Variants in DHTKD1 observed in about 807,000 individuals in gnomAD.
DHTKD1 encodes the protein 2-oxoadipate dehydrogenase complex component E1.
Under a neutral mutation model 101.8 loss-of-function variants are expected in DHTKD1, and 78 were observed. That is an observed-to-expected ratio of 0.77 (90% CI 0.64 to 0.93). The LOEUF is 0.93. Ranked by LOEUF, DHTKD1 falls within the 40% of genes least tolerant of loss-of-function variation. The pLI, the probability that DHTKD1 is intolerant of heterozygous loss-of-function variation, is 0.00. For synonymous variants in DHTKD1, 462 were observed against 450.3 expected, an observed-to-expected ratio of 1.03 and a Z score of -0.33; for missense variants, 1,223 against 1,161.7, an observed-to-expected ratio of 1.05 and a Z score of -0.77.
intron 6 of DHTKD1, among the ~76,000 whole-genome samples, chr10:12,092,036 C>G (rs950673588): frequency 1.3e-5 from 2 of 148,554 alleles, no homozygotes; most frequent in African/African-American, 2.5e-5. Context: ...GTACTCCATG[C>G]TGGAGTACGT....
In DHTKD1 at chr10:12,100,274, C is replaced by CTTTT; in HGVS notation, c.1756+19_1756+22dup. On this transcript the variant is annotated intron_variant, in intron 9 of 16. Transcript: ENST00000263035. ...TTTACTTGCTCAAGGTAAGAATTTT[C>CTTTT]TTTTTTTTTTCTGTTTTTTTTTTTT... is the stretch of plus-strand genomic sequence containing the variant. The CTTTT allele has an allele frequency of 8.5e-6, 3 of 351,662 alleles. No individual in the cohort carries two copies. Among genetic ancestry groups the CTTTT allele is most frequent in the South Asian group, 4.7e-5 (1 of 21,054 alleles). The allele number at this position is 351,662 out of a possible 1,614,324, so 21.8% of individuals were successfully genotyped here.
At chr10:12,100,067 A>G (rs1833134530) in intron 8 of DHTKD1, 111 bp from the exon 9 acceptor site, 2 of 605,824 alleles carry the variant, frequency 3.3e-6, no homozygotes, top group Non-Finnish European at 5.7e-6. Flanking sequence ...AAGTGCTGGG[A>G]TTACAGGCAT....
At chr10:12,118,075 A>C (rs565701901) in intron 14 of DHTKD1, among the ~76,000 whole-genome samples, 1 of 151,754 alleles carries the variant, frequency 6.6e-6, no homozygotes, top group Non-Finnish European at 1.5e-5. Flanking sequence ...TTTTTAGTAG[A>C]GATGGGGTTT....
At chr10:12,120,572 G>A (rs937777325) in intron 16 of DHTKD1, among the ~76,000 whole-genome samples, 4 of 151,958 alleles carry the variant, frequency 2.6e-5, no homozygotes, top group African/African-American at 7.2e-5. Context: ...TCCTGACCTC[G>A]TGATCCGCCC....
chr10:12,069,173 T>C lies in DHTKD1; in HGVS notation c.140T>C (p.Leu47Pro). The change falls in exon 1 of 17, where the codon CTG becomes CCG. Residue 47 changes from leucine (L) to proline (P), a missense_variant. Physicochemically the swap from Leu to Pro is moderately conservative, Grantham distance 98. Transcript: ENST00000263035. Reference protein sequence around the residue: ...KPESREPQGALERPPVDHGLA... With the variant: ...KPESREPQGAPERPPVDHGLA... ...GAGAGCCGCGAGCCCCAGGGCGCCC[T>C]GGAGCGCCCCCCAGGTCGGGGATGG... is the stretch of plus-strand genomic sequence containing the variant. 6.4e-7 allele frequency: 1 copy of C among 1,555,712 alleles called. No homozygotes were observed. The highest frequency in any genetic ancestry group is 2.4e-5 in the East Asian group (1 of 41,322).
At chr10:12,092,406 C>T (rs992723627) in intron 6 of DHTKD1, among the ~76,000 whole-genome samples, 1 of 152,178 alleles carries the variant, frequency 6.6e-6, no homozygotes, top group African/African-American at 2.4e-5. Flanking sequence ...ATGAGTACAA[C>T]ACCAGAGTTG....
At chr10:12,069,289 C>A in intron 1 of DHTKD1, 102 bp downstream of exon 1, 1 of 1,103,914 alleles carries the variant, frequency 9.1e-7, no homozygotes, top group Non-Finnish European at 1.2e-6. Context: ...CGGCTGCCGG[C>A]CTGAACGCGC....
intron 3 of DHTKD1, among the ~76,000 whole-genome samples, chr10:12,085,291 C>T (rs942588813): frequency 7.2e-5 from 11 of 151,902 alleles, no homozygotes; most frequent in African/African-American, 2.7e-4. Flanking sequence ...GCCTGGGTGA[C>T]AGAGCGAGAC....
intron 10 of DHTKD1, among the ~76,000 whole-genome samples, chr10:12,104,077 T>G (rs890276500): frequency 1.3e-5 from 2 of 152,212 alleles, no homozygotes; most frequent in Admixed American, 6.5e-5. Context: ...ATTTTGGATG[T>G]TTCATGTGAC....
In DHTKD1 at chr10:12,095,737, C is replaced by T. The variant is rs548060272; in HGVS notation, c.1358+1466C>T. Among the ~76,000 whole-genome samples the T allele has an allele frequency of 1.7e-4, 23 of 134,168 alleles. 1 individual carries two copies. The highest frequency in any genetic ancestry group is 4.9e-4 in the African/African-American group (18 of 36,908). 88.0% of individuals were successfully genotyped at this position (134,168 alleles called of 152,430 possible). ...CTGAGGCAGGAGAATGGCGTGAACC[C>T]GGGAGGCGGAGCTTGCAGTGAGCCC... On this transcript the variant is annotated intron_variant, in intron 7 of 16. Transcript: ENST00000263035.
rs777647243 is a variant in DHTKD1 at position 12,097,827 on chromosome 10, C to T, written c.1502C>T (p.Pro501Leu). Residue 501 changes from proline (P) to leucine (L), a missense_variant, in exon 8 of 17, where the codon CCT (proline) becomes CTT (leucine). Transcript: ENST00000263035. ...HLNNMAHYRP[P>L]ALNLQAHWQG... ...AATAACATGGCCCACTACAGGCCCC[C>T]TGCCCTGAACCTGCAGGCCCACTGG... 2 of 1,614,124 alleles carry T rather than the reference C, an allele frequency of 1.2e-6. No homozygotes were observed. Among genetic ancestry groups the T allele is most frequent in the Non-Finnish European group, 1.7e-6 (2 of 1,180,050 alleles).
At chr10:12,095,812 CAAAAAAAAAAAA>C (rs1185585860) in intron 7 of DHTKD1, among the ~76,000 whole-genome samples, 1 of 41,498 alleles carries the variant, frequency 2.4e-5, no homozygotes, top group Non-Finnish European at 4.9e-5. Context: ...GACTCCGTCT[CAAAAAAAAAAAA>C]AAAAAAAAAG....
At chr10:12,113,517 G>C (rs897306195) in intron 13 of DHTKD1, among the ~76,000 whole-genome samples, 1 of 148,774 alleles carries the variant, frequency 6.7e-6, no homozygotes, top group Non-Finnish European at 1.5e-5. Flanking sequence ...TTTTTAAACA[G>C]CCTTTTAAGA....
rs966273284 is a variant in DHTKD1 at position 12,110,887 on chromosome 10, T to A, written c.2155-2013T>A. Among the ~76,000 whole-genome samples the A allele has an allele frequency of 2.6e-5, 4 of 151,372 alleles. No homozygotes were observed. Among genetic ancestry groups the A allele is most frequent in the African/African-American group, 9.7e-5 (4 of 41,192 alleles). On this transcript the variant is annotated intron_variant, in intron 12 of 16. Transcript: ENST00000263035. This position sits in a 1 kb window ranked among gnomAD's most constrained non-coding sequence, Gnocchi z 4.9. ...ACCCCATTTCTGCTAAAAATAAAACTAAAAAAATTAGCTGGGTGGGTGGTG... is the reference window on the plus strand; with the variant it reads ...ACCCCATTTCTGCTAAAAATAAAACAAAAAAAATTAGCTGGGTGGGTGGTG...
chr10:12,096,230 C>T (rs2131364207), intron 7 of DHTKD1, among the ~76,000 whole-genome samples: 1 of 152,114 alleles, frequency 6.6e-6, no homozygotes, highest in South Asian at 2.1e-4. Flanking sequence ...AAGTTTATTT[C>T]CTTATAGATA....
At position 12,093,324 on chromosome 10, in the gene DHTKD1, G is replaced by A. The variant is rs550746690; in HGVS notation, c.1160-749G>A. ...CTCCCAGAGTGCTGGGATTATAGGC[G>A]TGAGCCACTGCACCTGGCCACAGCT... On this transcript the variant is annotated intron_variant, in intron 6 of 16. Coordinates refer to ENST00000263035, the MANE Select transcript of DHTKD1 (RefSeq NM_018706.7). Among the ~76,000 whole-genome samples the A allele has an allele frequency of 2.2e-4, 33 of 152,248 alleles. No homozygotes were observed. The East Asian group carries it at 6.0e-3, about 28-fold the overall frequency.
chr10:12,112,962 A>C lies in DHTKD1; in HGVS notation c.2217A>C (p.Pro739=), dbSNP rs1170905116. 9.9e-6 allele frequency: 16 copies of C among 1,613,602 alleles called. No individual in the cohort carries two copies. Among genetic ancestry groups the C allele is most frequent in the Non-Finnish European group, 1.4e-5 (16 of 1,179,826 alleles). Residue 739 remains proline (P), a synonymous_variant, in exon 13 of 17, where the codon CCA becomes CCC. Transcript: ENST00000263035. ...GDTVNMFVVH[P]TTPAQYFHLL... is the part of the protein sequence containing the mutation. ...CTGTGAACATGTTTGTGGTTCACCCAACAACTCCTGCACAGTATTTCCACT... is the reference window on the plus strand; with the variant it reads ...CTGTGAACATGTTTGTGGTTCACCCCACAACTCCTGCACAGTATTTCCACT...
rs1832668117 is a variant in DHTKD1 at position 12,072,596 on chromosome 10, T to C, written c.154+3409T>C. Reference sequence around the variant, plus strand: ...TAGTTACAATTTGACCCATGATGAGTGTTCTTTGTAACTAGGTATTTGTAA... The same window carrying C: ...TAGTTACAATTTGACCCATGATGAGCGTTCTTTGTAACTAGGTATTTGTAA... On this transcript the variant is annotated intron_variant, in intron 1 of 16. Coordinates refer to ENST00000263035, the MANE Select transcript of DHTKD1 (RefSeq NM_018706.7). 2.0e-5 allele frequency among the ~76,000 whole-genome samples: 3 copies of C among 152,200 alleles called. No individual in the cohort carries two copies. The South Asian group carries it at 6.2e-4, about 31-fold the overall frequency.
At chr10:12,090,181 C>A (rs1015704749) in intron 5 of DHTKD1, among the ~76,000 whole-genome samples, 2 of 152,042 alleles carry the variant, frequency 1.3e-5, no homozygotes, top group Non-Finnish European at 2.9e-5. Flanking sequence ...GATCATGAAA[C>A]CTGGATTTCA....
Sources: gnomAD v4.1 joint callset for allele counts (sites outside exome capture counted in the v4.1 genomes callset) on GRCh38, gnomAD v4.1.1 for gene constraint, Gnocchi (gnomAD v3.1) non-coding constraint, MANE v1.5 for transcripts, NCBI Gene and HGNC (gene_info 2026-07-23, HGNC 2026-07-21) for gene names.